Variants in NSG1 observed in about 807,000 individuals in gnomAD.
NSG1 encodes the protein neuronal vesicle trafficking-associated protein 1.
In NSG1, 9 loss-of-function variants were observed where a neutral mutation model predicts 19.3. That is an observed-to-expected ratio of 0.47 (90% CI 0.28 to 0.81). The LOEUF (loss-of-function observed/expected upper bound fraction) is 0.81. Ranked by LOEUF, NSG1 falls within the 40% of genes least tolerant of loss-of-function variation. The pLI is 0.11. For missense variants in NSG1, 236 were observed against 242.4 expected (o/e 0.97, Z 0.18); for synonymous variants, 104 against 107.0 (o/e 0.97, Z 0.17).
intron 3 of NSG1, among the ~76,000 whole-genome samples, chr4:4,405,863 C>T (rs1436283208): frequency 6.6e-6 from 1 of 152,170 alleles, no homozygotes; most frequent in Non-Finnish European, 1.5e-5. Context: ...AAAGGCTTGG[C>T]CAGGTTTCGG....
chr4:4,412,353 G>C (rs982899855), intron 4 of NSG1, among the ~76,000 whole-genome samples: 14 of 151,366 alleles, frequency 9.2e-5, no homozygotes, highest in Non-Finnish European at 1.9e-4. Flanking sequence ...CAATGGAAGG[G>C]GCCTGGCACC....
chr4:4,401,642 C>T (rs562180411), intron 3 of NSG1, among the ~76,000 whole-genome samples: 9 of 152,220 alleles, frequency 5.9e-5, no homozygotes, highest in African/African-American at 1.7e-4. Context: ...ACCAGGGTGA[C>T]GCTGTGGGAC....
intron 3 of NSG1, among the ~76,000 whole-genome samples, chr4:4,399,194 G>GTGTCGCCGAGGC (rs1322293991): frequency 3.9e-5 from 6 of 152,162 alleles, no homozygotes; most frequent in African/African-American, 1.4e-4. Context: ...CGAGGCTGGA[G>GTGTCGCCGAGGC]TGCAGTGGTG....
At chr4:4,401,342 G>C (rs1438738839) in intron 3 of NSG1, among the ~76,000 whole-genome samples, 1 of 152,196 alleles carries the variant, frequency 6.6e-6, no homozygotes, top group Non-Finnish European at 1.5e-5. Context: ...CCCGGGACCT[G>C]TCTGCTTCCA....
intron 3 of NSG1, among the ~76,000 whole-genome samples, chr4:4,402,825 A>C (rs1156288602): frequency 6.6e-6 from 1 of 152,184 alleles, no homozygotes; most frequent in African/African-American, 2.4e-5. Context: ...GCTTCTCCCA[A>C]CCTAGAGACT....
chr4:4,408,752 G>A (rs1370298295), intron 3 of NSG1, among the ~76,000 whole-genome samples: 1 of 152,102 alleles, frequency 6.6e-6, no homozygotes, highest in Non-Finnish European at 1.5e-5. Context: ...GAGTCACCAC[G>A]CCCAGCCCGT....
intron 2 of NSG1, among the ~76,000 whole-genome samples, 183 bp downstream of exon 2, chr4:4,387,941 CG>C (rs1722820223): frequency 6.7e-6 from 1 of 150,088 alleles, no homozygotes; most frequent in Admixed American, 6.7e-5. Context: ...GGATGCTGGG[CG>C]GGGGAGGGGA....
chr4:4,394,781 TG>T (rs1723169811), intron 3 of NSG1, among the ~76,000 whole-genome samples: 1 of 152,228 alleles, frequency 6.6e-6, no homozygotes, highest in African/African-American at 2.4e-5. Context: ...CTCCCATGAA[TG>T]GGGTACTTGG....
chr4:4,415,721 C>CTTGGAAA, intron 4 of NSG1: 1 of 155,024 alleles, frequency 6.5e-6, no homozygotes, highest in South Asian at 1.8e-4. Context: ...TGAGCGGGGC[C>CTTGGAAA]GCCACTCCAC....
At position 4,405,134 on chromosome 4, in the gene NSG1, C is replaced by T. The variant is rs1723782453; in HGVS notation, c.247-4439C>T. 2.0e-5 allele frequency among the ~76,000 whole-genome samples: 3 copies of T among 152,318 alleles called. No individual in the cohort carries two copies. The South Asian group carries it at 6.2e-4, about 32-fold the overall frequency. ...CGGCAGAACTGTGCTCCCTTGGAAA[C>T]CTGCAGGGGAGACTCTGTCCTTGCC... On this transcript the variant is annotated intron_variant, in intron 3 of 4. Transcript: ENST00000621129.
At chr4:4,414,322 G>C (rs1036991280) in intron 4 of NSG1, among the ~76,000 whole-genome samples, 46 of 151,900 alleles carry the variant, frequency 3.0e-4, no homozygotes, top group South Asian at 2.5e-3. Flanking sequence ...AGGCGCTCCA[G>C]GTGATTCCCA....
intron 4 of NSG1, among the ~76,000 whole-genome samples, chr4:4,411,063 C>CT (rs1360999258): frequency 6.6e-6 from 1 of 152,104 alleles, no homozygotes; most frequent in East Asian, 1.9e-4. Flanking sequence ...ACCATGTTGG[C>CT]TAGGCCGGTC....
At chr4:4,407,912 G>A (rs958543027) in intron 3 of NSG1, among the ~76,000 whole-genome samples, 5 of 152,142 alleles carry the variant, frequency 3.3e-5, no homozygotes, top group Non-Finnish European at 7.4e-5. Flanking sequence ...CTTGCAGGGG[G>A]TGCATAGGGG....
At chr4:4,402,763 C>T (rs1723638062) in intron 3 of NSG1, among the ~76,000 whole-genome samples, 1 of 152,172 alleles carries the variant, frequency 6.6e-6, no homozygotes. Flanking sequence ...CGGGTGTGGG[C>T]CCCGCACTTC....
chr4:4,412,943 A>G (rs1479804966), intron 4 of NSG1, among the ~76,000 whole-genome samples: 1 of 152,150 alleles, frequency 6.6e-6, no homozygotes, highest in Admixed American at 6.5e-5. Context: ...GGACGCAGAG[A>G]GTCCTTACGC....
intron 2 of NSG1, among the ~76,000 whole-genome samples, chr4:4,390,256 G>T (rs1031536840): frequency 1.3e-5 from 2 of 152,234 alleles, no homozygotes; most frequent in Admixed American, 1.3e-4. Context: ...GCCAACCCAT[G>T]CCAGGCACCC....
At chr4:4,395,071 G>A (rs961894443) in intron 3 of NSG1, among the ~76,000 whole-genome samples, 10 of 152,186 alleles carry the variant, frequency 6.6e-5, no homozygotes, top group Admixed American at 5.2e-4. Context: ...CTGGACTTTC[G>A]CAGCTGAACA....
intron 4 of NSG1, chr4:4,416,277 C>T: frequency 1.4e-6 from 1 of 698,286 alleles, no homozygotes; most frequent in South Asian, 1.5e-5. Flanking sequence ...AGCCCCTGAA[C>T]ACTGGATGCG....
chr4:4,397,227 A>G (rs185330296), intron 3 of NSG1, among the ~76,000 whole-genome samples: 3 of 148,198 alleles, frequency 2.0e-5, no homozygotes, highest in African/African-American at 7.5e-5. Flanking sequence ...GGGTAGGAGG[A>G]TGGGGAGAGT....
Sources: gnomAD v4.1 joint callset for allele counts (sites outside exome capture counted in the v4.1 genomes callset) on GRCh38, gnomAD v4.1.1 for gene constraint, MANE v1.5 for transcripts, NCBI Gene and HGNC (gene_info 2026-07-23, HGNC 2026-07-21) for gene names.